The following SGSM3 variants were observed in gnomAD, a reference collection of about 807,000 sequenced individuals.
The protein encoded by SGSM3 is small G protein signaling modulator 3.
SGSM3 carries 96 observed loss-of-function variants against 100.5 expected under a neutral mutation model. The observed-to-expected ratio is 0.96, with a 90% CI of 0.81 to 1.13. SGSM3 has a LOEUF of 1.13. SGSM3 is among the 50% of genes most tolerant of loss of function. The pLI is 0.00. For missense variants in SGSM3, 1,001 were observed against 1,015.8 expected, an observed-to-expected ratio of 0.99 and a Z score of 0.20; for synonymous variants, 483 against 422.8, an observed-to-expected ratio of 1.14 and a Z score of -1.75.
Position 40,407,396 on chromosome 22 carries a change from T to C in SGSM3, c.1369-17T>C. On this transcript the variant is annotated splice_polypyrimidine_tract_variant and intron_variant, in intron 12 of 21. Coordinates refer to ENST00000248929, the MANE Select transcript of SGSM3 (RefSeq NM_015705.6). The surrounding 1 kb of genome is among the most constrained non-coding windows in gnomAD (Gnocchi z 4.7). ...ACTCCTCCAACCCCCTTGGTGGGCC[T>C]GTGTTCACTGTGGCAGGAGCTGACT... 6.2e-7 allele frequency: 1 copy of C among 1,611,256 alleles called. No homozygotes were observed. Among genetic ancestry groups the C allele is most frequent in the Non-Finnish European group, 8.5e-7 (1 of 1,178,320 alleles).
chr22:40,388,527 T>A (rs972308622), intron 1 of SGSM3, among the ~76,000 whole-genome samples: 1 of 152,206 alleles, frequency 6.6e-6, no homozygotes, highest in African/African-American at 2.4e-5. Context: ...CAGGGTCTTA[T>A]AAATCAAGTT....
At chr22:40,406,834 G>A in intron 10 of SGSM3, 172 bp downstream of exon 10, 1 of 848,598 alleles carries the variant, frequency 1.2e-6, no homozygotes, top group Non-Finnish European at 1.9e-6. Flanking sequence ...CTCAGGCTTT[G>A]TGCACCTCAG....
intron 1 of SGSM3, among the ~76,000 whole-genome samples, chr22:40,384,556 G>A (rs570310225): frequency 1.3e-5 from 2 of 152,176 alleles, no homozygotes; most frequent in South Asian, 2.1e-4. Context: ...CAAGGTGGGC[G>A]GATCACGAGG....
intron 1 of SGSM3, among the ~76,000 whole-genome samples, chr22:40,393,394 T>C (rs1034620039): frequency 1.6e-4 from 24 of 152,258 alleles, no homozygotes; most frequent in Admixed American, 5.9e-4. Context: ...GCTGGGATTA[T>C]AGGCGTGAGC....
At chr22:40,389,614 A>C (rs1294018428) in intron 1 of SGSM3, among the ~76,000 whole-genome samples, 3 of 140,944 alleles carry the variant, frequency 2.1e-5, no homozygotes, top group Non-Finnish European at 4.6e-5. Context: ...AAAAAAAAAA[A>C]AAAAAAAAAA....
chr22:40,409,438 G>T (rs765099776), intron 20 of SGSM3, 27 bp from the exon 21 acceptor site: 1 of 1,566,648 alleles, frequency 6.4e-7, no homozygotes, highest in East Asian at 2.3e-5. Context: ...GGTGACAAGA[G>T]CCTTACCACC....
chr22:40,374,942 T>A (rs1216068361), intron 1 of SGSM3, among the ~76,000 whole-genome samples: 1 of 152,206 alleles, frequency 6.6e-6, no homozygotes, highest in Non-Finnish European at 1.5e-5. Flanking sequence ...ATAACAAGGC[T>A]AGATTTTCAG....
chr22:40,389,693 AGG>A (rs1283432401), intron 1 of SGSM3, among the ~76,000 whole-genome samples: 1 of 150,842 alleles, frequency 6.6e-6, no homozygotes, highest in Admixed American at 6.6e-5. Context: ...GGATCACCTG[AGG>A]TCAGGAGTTC....
In SGSM3 at chr22:40,409,968, C is replaced by T. The variant is rs1296243938; in HGVS notation, c.*209C>T. On this transcript the variant is annotated 3_prime_UTR_variant, in exon 22 of 22. Transcript: ENST00000248929. ...CCAGGGTCCTTAGGGATGCTCTAGGCCAAACCACAGTTTGTACCAAAAACC... is the reference window on the plus strand; with the variant it reads ...CCAGGGTCCTTAGGGATGCTCTAGGTCAAACCACAGTTTGTACCAAAAACC... The T allele has an allele frequency of 1.5e-6, 2 of 1,367,822 alleles. No individual in the cohort carries two copies. The highest frequency in any genetic ancestry group is 1.9e-6 in the Non-Finnish European group (2 of 1,067,396). 84.7% of individuals were successfully genotyped at this position (1,367,822 alleles called of 1,614,324 possible). A position where few individuals can be genotyped will look rare whatever the true frequency, so the allele number is the denominator to read the frequency against.
In SGSM3 at chr22:40,402,223, TTG is replaced by T. The variant is rs1213693348; in HGVS notation, c.157+24_157+25del. On this transcript the variant is annotated intron_variant, in intron 4 of 21. Transcript: ENST00000248929. Reference sequence around the variant, plus strand: ...CAAGGAAGGTAAACTTGAGCCCCTTTTGTGTGTCATCTTGCTGATGTTCTTTG... The same window carrying T: ...CAAGGAAGGTAAACTTGAGCCCCTTTTGTGTCATCTTGCTGATGTTCTTTG... 1.6e-5 allele frequency: 25 copies of T among 1,599,084 alleles called. No individual in the cohort carries two copies. Among genetic ancestry groups the T allele is most frequent in the Non-Finnish European group, 2.1e-5 (24 of 1,166,394 alleles).
In SGSM3 at chr22:40,407,126, C is replaced by T; in HGVS notation, c.1240+55C>T. ...GGGCATGCGGGAGTCTGTCCTCACGCTCATGTGGACGTGGAGCTTCCTCCT... is the reference window on the plus strand; with the variant it reads ...GGGCATGCGGGAGTCTGTCCTCACGTTCATGTGGACGTGGAGCTTCCTCCT... On this transcript the variant is annotated intron_variant, in intron 11 of 21. Transcript: ENST00000248929. This position sits in a 1 kb window ranked among gnomAD's most constrained non-coding sequence, Gnocchi z 4.7. 1 of 1,610,598 alleles carries T rather than the reference C, an allele frequency of 6.2e-7. No homozygotes were observed. Among genetic ancestry groups the T allele is most frequent in the Non-Finnish European group, 8.5e-7 (1 of 1,178,252 alleles).
At position 40,410,166 on chromosome 22, in the gene SGSM3, C is replaced by G; in HGVS notation, c.*407C>G. ...CAGAGCTGTATTCAGGTCCAAGGTT[C>G]TGCCCTTCCTTGAGTGGTCTAGAAG... On this transcript the variant is annotated 3_prime_UTR_variant, in exon 22 of 22. Transcript: ENST00000248929. 1 of 1,090,826 alleles carries G rather than the reference C, an allele frequency of 9.2e-7. No individual in the cohort carries two copies. The highest frequency in any genetic ancestry group is 1.1e-6 in the Non-Finnish European group (1 of 898,010). 67.6% of individuals were successfully genotyped at this position (1,090,826 alleles called of 1,614,324 possible).
At chr22:40,400,913 A>T in intron 2 of SGSM3, 100 bp downstream of exon 2, 2 of 1,188,470 alleles carry the variant, frequency 1.7e-6, no homozygotes, top group South Asian at 3.2e-5. Flanking sequence ...CCATCCAGAT[A>T]AGAGAGGTGG....
rs1165758037 is a variant in SGSM3, at chr22:40,408,794, G to T, written c.1854G>T (p.Arg618Ser). Residue 618 changes from arginine to serine, a missense_variant and splice_region_variant, in exon 18 of 22, where the codon AGG becomes AGT. Transcript: ENST00000248929. ...CCCAGGAGCTTTGGTGTCCCCTCAG[G>T]TTGGATGAAGATGGCAAAGTCCTGA... ...YSRLVLCKTFRLDEDGKVLTP... is the reference protein window; with the variant it reads ...YSRLVLCKTFSLDEDGKVLTP... 1.2e-6 allele frequency: 2 copies of T among 1,613,770 alleles called. No individual in the cohort carries two copies. Among genetic ancestry groups the T allele is most frequent in the Admixed American group, 1.7e-5 (1 of 60,014 alleles).
At chr22:40,395,295 C>CTATT (rs2049897364) in intron 1 of SGSM3, among the ~76,000 whole-genome samples, 2 of 151,590 alleles carry the variant, frequency 1.3e-5, no homozygotes, top group East Asian at 1.9e-4. Context: ...ACTTGGATTT[C>CTATT]TAAATAAGCA....
At chr22:40,378,058 T>C (rs937515445) in intron 1 of SGSM3, 2 of 152,174 alleles carry the variant, frequency 1.3e-5, no homozygotes, top group Admixed American at 6.5e-5. Flanking sequence ...ACTGTCTTGG[T>C]ATGTGGAAAT....
chr22:40,382,372 C>T (rs1274607794), intron 1 of SGSM3, among the ~76,000 whole-genome samples: 1 of 152,052 alleles, frequency 6.6e-6, no homozygotes, highest in Non-Finnish European at 1.5e-5. Context: ...GTATCTCAAG[C>T]AGTTGCAGCT....
chr22:40,377,845 C>CA (rs35941683), intron 1 of SGSM3, among the ~76,000 whole-genome samples: 936 of 61,382 alleles, frequency 0.015, 12 homozygotes, highest in Middle Eastern at 0.075. Context: ...GACCCTGTCT[C>CA]AAAAAAAAAA....
At chr22:40,384,649 G>C (rs2003667) in intron 1 of SGSM3, among the ~76,000 whole-genome samples, 5,162 of 151,678 alleles carry the variant, frequency 0.034, 132 homozygotes, top group Middle Eastern at 0.059. Context: ...GCATGGTGGC[G>C]GGCGCCTGTA....
Sources: gnomAD v4.1 joint callset for allele counts (sites outside exome capture counted in the v4.1 genomes callset) on GRCh38, gnomAD v4.1.1 for gene constraint, Gnocchi (gnomAD v3.1) non-coding constraint, MANE v1.5 for transcripts, NCBI Gene and HGNC (gene_info 2026-07-23, HGNC 2026-07-21) for gene names.